The following UBQLN1 variants were observed in gnomAD, a reference collection of about 807,000 sequenced individuals.
The protein encoded by UBQLN1 is ubiquilin-1.
UBQLN1 carries 13 observed loss-of-function variants against 65.4 expected under a neutral mutation model. That is an observed-to-expected ratio of 0.20 (90% CI 0.13 to 0.32). The LOEUF is 0.32. UBQLN1 is among the 10% of genes least tolerant of loss of function. The probability of loss-of-function intolerance (pLI) is 1.00; values close to 1 mark genes in which losing one functional copy is unlikely to be tolerated. For synonymous variants in UBQLN1, 267 were observed against 247.8 expected (o/e 1.08, Z -0.73); for missense variants, 561 against 724.0 (o/e 0.77, Z 2.58).
Position 83,677,882 on chromosome 9 carries a change from C to T in UBQLN1, c.950G>A (p.Arg317Lys). Residue 317 changes from arginine to lysine, a missense_variant, in exon 6 of 11, where the codon AGA (arginine) becomes AAA (lysine). Arg to Lys is a conservative substitution (Grantham distance 26). This residue lies in a region of UBQLN1 where 89 missense variants were observed against 77.8 expected (regional missense o/e 1.14). Transcript: ENST00000376395. ...AGCCCATGGATTGGGTAGTGGATCT[C>T]TATTTTCTGTACGGGAAGGTTGACT... Reference protein sequence around the residue: ...EGSQPSRTENRDPLPNPWAPQ... With the variant: ...EGSQPSRTENKDPLPNPWAPQ... 6.2e-7 allele frequency: 1 copy of T among 1,614,130 alleles called. No individual in the cohort carries two copies. The highest frequency in any genetic ancestry group is 2.2e-5 in the East Asian group (1 of 44,882).
intron 1 of UBQLN1, among the ~76,000 whole-genome samples, chr9:83,703,895 T>TTACC (rs766250228): frequency 1.3e-5 from 2 of 152,140 alleles, no homozygotes; most frequent in Non-Finnish European, 2.9e-5. Context: ...GGAAAATAAA[T>TTACC]TACCACCTTA....
intron 3 of UBQLN1, 95 bp from the exon 4 acceptor site, chr9:83,680,132 AC>A: frequency 1.6e-6 from 2 of 1,245,454 alleles, no homozygotes; most frequent in Non-Finnish European, 2.2e-6. Flanking sequence ...GTATTAGCTG[AC>A]CCAATAGTCT....
At chr9:83,697,732 CCTT>C (rs1832242455) in intron 1 of UBQLN1, among the ~76,000 whole-genome samples, 1 of 113,668 alleles carries the variant, frequency 8.8e-6, no homozygotes. Context: ...TTTTTTGTAC[CCTT>C]TTTTTTTTTT....
intron 1 of UBQLN1, among the ~76,000 whole-genome samples, chr9:83,691,136 CAAAAAAATA>C (rs955957407): frequency 6.7e-6 from 1 of 149,564 alleles, no homozygotes; most frequent in Non-Finnish European, 1.5e-5. Flanking sequence ...GCACTCGTCT[CAAAAAAATA>C]AAAAAAATAA....
At chr9:83,703,574 TC>T (rs1429837818) in intron 1 of UBQLN1, among the ~76,000 whole-genome samples, 2 of 152,116 alleles carry the variant, frequency 1.3e-5, no homozygotes, top group Non-Finnish European at 2.9e-5. Context: ...CCCAAGCATT[TC>T]CCATAAGGGA....
chr9:83,684,249 C>G (rs1831999740), intron 2 of UBQLN1, among the ~76,000 whole-genome samples: 1 of 151,786 alleles, frequency 6.6e-6, no homozygotes, highest in South Asian at 2.1e-4. Context: ...GCTGGAGGTG[C>G]AGTGGCATGA....
chr9:83,705,612 C>A (rs1832389263), intron 1 of UBQLN1, among the ~76,000 whole-genome samples: 1 of 152,142 alleles, frequency 6.6e-6, no homozygotes, highest in Non-Finnish European at 1.5e-5. Context: ...CCTACTCAAA[C>A]CAAGTCTAAG....
chr9:83,695,633 T>C (rs1832199005), intron 1 of UBQLN1, among the ~76,000 whole-genome samples: 1 of 151,448 alleles, frequency 6.6e-6, no homozygotes, highest in Non-Finnish European at 1.5e-5. Flanking sequence ...AAAAAAAAAT[T>C]ACCCCCAAGT....
intron 7 of UBQLN1, chr9:83,668,963 T>C (rs1003179036): frequency 1.6e-5 from 8 of 487,380 alleles, no homozygotes; most frequent in African/African-American, 4.1e-5. Flanking sequence ...CTGCACTTCT[T>C]TCTAGTCAAT....
chr9:83,673,555 A>AC (rs1193000287), intron 6 of UBQLN1, among the ~76,000 whole-genome samples: 8 of 77,036 alleles, frequency 1.0e-4, no homozygotes, highest in East Asian at 2.9e-4. Flanking sequence ...TTAAAAAAAA[A>AC]AAAAAAAAAA....
intron 1 of UBQLN1, among the ~76,000 whole-genome samples, chr9:83,688,801 C>T (rs1832081257): frequency 6.6e-6 from 1 of 151,004 alleles, no homozygotes; most frequent in Non-Finnish European, 1.5e-5. Context: ...GCAGAGGTTG[C>T]AGTGAGCCGA....
At chr9:83,702,024 A>G (rs370292077) in intron 1 of UBQLN1, among the ~76,000 whole-genome samples, 1 of 152,210 alleles carries the variant, frequency 6.6e-6, no homozygotes, top group South Asian at 2.1e-4. Flanking sequence ...ACAGGGATGA[A>G]CCTTGAAAAC....
At chr9:83,691,214 C>T (rs1564170102) in intron 1 of UBQLN1, among the ~76,000 whole-genome samples, 1 of 149,242 alleles carries the variant, frequency 6.7e-6, no homozygotes, top group Non-Finnish European at 1.5e-5. Flanking sequence ...TATATATATG[C>T]CTCATCTTGG....
chr9:83,679,418 A>G (rs984333780), intron 4 of UBQLN1, among the ~76,000 whole-genome samples: 6 of 152,230 alleles, frequency 3.9e-5, no homozygotes, highest in African/African-American at 9.6e-5. Context: ...TATTCAACAT[A>G]TAAGGCAGGA....
At chr9:83,663,010 A>C (rs913683946) in intron 10 of UBQLN1, among the ~76,000 whole-genome samples, 2 of 150,532 alleles carry the variant, frequency 1.3e-5, no homozygotes, top group Non-Finnish European at 3.0e-5. Flanking sequence ...CAGGAGGTGC[A>C]GGTCGCAGTG....
intron 6 of UBQLN1, among the ~76,000 whole-genome samples, chr9:83,671,388 C>T (rs1831727540): frequency 6.6e-6 from 1 of 152,204 alleles, no homozygotes; most frequent in African/African-American, 2.4e-5. Context: ...ACTAAGGCAG[C>T]TATAGTCTAA....
chr9:83,662,031 C>T (rs1392959033), intron 10 of UBQLN1, 92 bp from the exon 11 acceptor site: 3 of 1,189,910 alleles, frequency 2.5e-6, no homozygotes, highest in South Asian at 1.5e-5. Flanking sequence ...TTTTTTATAA[C>T]ATATGCTGAT....
chr9:83,697,700 C>A (rs889934317), intron 1 of UBQLN1, among the ~76,000 whole-genome samples: 1 of 150,774 alleles, frequency 6.6e-6, no homozygotes, highest in Non-Finnish European at 1.5e-5. Context: ...GGACTACAGG[C>A]ATGCACCACC....
chr9:83,693,016 T>C (rs1425543355), intron 1 of UBQLN1, among the ~76,000 whole-genome samples: 1 of 152,170 alleles, frequency 6.6e-6, no homozygotes, highest in East Asian at 1.9e-4. Context: ...GAAAGATACA[T>C]GATAGAACGG....
Sources: gnomAD v4.1 joint callset for allele counts (sites outside exome capture counted in the v4.1 genomes callset) on GRCh38, gnomAD v4.1.1 for gene constraint, gnomAD v4.1.1 regional missense constraint, MANE v1.5 for transcripts, NCBI Gene and HGNC (gene_info 2026-07-23, HGNC 2026-07-21) for gene names.